SORCS2: variants seen among roughly 807,000 people sequenced by gnomAD.
The protein encoded by SORCS2 is VPS10 domain-containing receptor SorCS2.
In SORCS2, 100 loss-of-function variants were observed where a neutral mutation model predicts 141.6. The observed-to-expected ratio is 0.71, with a 90% CI of 0.60 to 0.83. The LOEUF is 0.83. Ranked by LOEUF, SORCS2 falls within the 40% of genes least tolerant of loss-of-function variation. The pLI is 0.00. For missense variants in SORCS2, 1,646 were observed against 1,560.2 expected (o/e 1.05, Z -0.93); for synonymous variants, 789 against 676.9 (o/e 1.17, Z -2.57).
At chr4:7,453,681 GCTGTGTTGGGGTCAGGCA>G (rs1406893606) in intron 2 of SORCS2, among the ~76,000 whole-genome samples, 2 of 121,510 alleles carry the variant, frequency 1.6e-5, no homozygotes, top group Admixed American at 8.4e-5. Context: ...GGGTTCAGGT[GCTGTGTTGGGGTCAGGCA>G]CTGTGTTGGG....
intron 2 of SORCS2, among the ~76,000 whole-genome samples, chr4:7,428,858 G>A (rs1018053423): frequency 6.6e-6 from 1 of 152,122 alleles, no homozygotes; most frequent in Admixed American, 6.5e-5. Context: ...TCACTGCTGT[G>A]ATGAGACTAG....
At chr4:7,593,720 C>A (rs1717070498) in intron 3 of SORCS2, among the ~76,000 whole-genome samples, 1 of 152,206 alleles carries the variant, frequency 6.6e-6, no homozygotes, top group Non-Finnish European at 1.5e-5. Context: ...CAGTTACAGG[C>A]AGGGGTGCCG....
chr4:7,398,127 G>T (rs936816449), intron 2 of SORCS2, among the ~76,000 whole-genome samples: 1 of 152,190 alleles, frequency 6.6e-6, no homozygotes, highest in Non-Finnish European at 1.5e-5. Context: ...CGGAGTTGCC[G>T]GCTTAGTTTA....
chr4:7,612,368 C>G (rs1410578179), intron 3 of SORCS2, among the ~76,000 whole-genome samples: 1 of 152,180 alleles, frequency 6.6e-6, no homozygotes, highest in East Asian at 1.9e-4. Flanking sequence ...TCCGCCACAT[C>G]CCAGGCACCC....
intron 4 of SORCS2, among the ~76,000 whole-genome samples, chr4:7,647,961 G>A (rs1204615884): frequency 2.6e-5 from 4 of 152,228 alleles, no homozygotes; most frequent in Non-Finnish European, 2.9e-5. Flanking sequence ...GCTTCACTGC[G>A]GTAGCTTGCA....
In SORCS2 at chr4:7,304,958, G is replaced by T. The variant is rs139511726; in HGVS notation, c.481-91330G>T. Reference sequence around the variant, plus strand: ...GGCATCCCGGTTCCTGCTCGTGAGGGCTTCTGGCGGGGTGACACCACCCTT... The same window carrying T: ...GGCATCCCGGTTCCTGCTCGTGAGGTCTTCTGGCGGGGTGACACCACCCTT... On this transcript the variant is annotated intron_variant, in intron 1 of 26. Transcript: ENST00000507866. Among the ~76,000 whole-genome samples the T allele has an allele frequency of 3.6e-3, 542 of 152,308 alleles. 5 individuals are homozygous for T. The highest frequency in any genetic ancestry group is 0.012 in the African/African-American group (501 of 41,574).
intron 3 of SORCS2, among the ~76,000 whole-genome samples, chr4:7,552,621 C>T (rs79190928): frequency 0.053 from 8,047 of 152,246 alleles, 274 homozygotes; most frequent in African/African-American, 0.095. Context: ...GATACCCTGG[C>T]CCCCCACAGG....
At chr4:7,222,492 T>C (rs1231375169) in intron 1 of SORCS2, among the ~76,000 whole-genome samples, 1 of 148,928 alleles carries the variant, frequency 6.7e-6, no homozygotes, top group Non-Finnish European at 1.5e-5. Context: ...GAGCGGGGCA[T>C]GGGGGTGGTA....
At chr4:7,699,638 G>A (rs1371610405) in intron 12 of SORCS2, among the ~76,000 whole-genome samples, 1 of 152,168 alleles carries the variant, frequency 6.6e-6, no homozygotes, top group Non-Finnish European at 1.5e-5. Flanking sequence ...GCCAGGGAAG[G>A]GGGCTGCAGC....
chr4:7,240,627 C>T (rs552195203), intron 1 of SORCS2, among the ~76,000 whole-genome samples: 1 of 152,296 alleles, frequency 6.6e-6, no homozygotes, highest in Admixed American at 6.5e-5. Context: ...GTTTTCTGGG[C>T]TGGGCTGTGT....
chr4:7,280,758 A>C (rs1222360126), intron 1 of SORCS2, among the ~76,000 whole-genome samples: 1 of 152,202 alleles, frequency 6.6e-6, no homozygotes, highest in African/African-American at 2.4e-5. Flanking sequence ...TAAAATACAG[A>C]GATGACTAGT....
intron 2 of SORCS2, among the ~76,000 whole-genome samples, chr4:7,455,335 G>A (rs1156294945): frequency 1.3e-5 from 1 of 78,140 alleles, no homozygotes; most frequent in African/African-American, 5.5e-5. Context: ...GTTGGGGTCA[G>A]GCTCCGTGTT....
At chr4:7,361,502 C>T (rs148397187) in intron 1 of SORCS2, among the ~76,000 whole-genome samples, 12 of 152,294 alleles carry the variant, frequency 7.9e-5, no homozygotes, top group Admixed American at 1.3e-4. Flanking sequence ...GGGCTTCTCA[C>T]GCTGGGCCGC....
intron 11 of SORCS2, among the ~76,000 whole-genome samples, chr4:7,692,449 A>T (rs912404552): frequency 1.6e-4 from 25 of 152,192 alleles, no homozygotes; most frequent in Admixed American, 5.2e-4. Flanking sequence ...AAATGAGAGG[A>T]TAAAACCTCC....
chr4:7,462,828 C>T (rs559786863), intron 2 of SORCS2, among the ~76,000 whole-genome samples: 1 of 150,478 alleles, frequency 6.6e-6, no homozygotes, highest in East Asian at 2.0e-4. Flanking sequence ...TCTGCTGTCA[C>T]GGTGCACTCG....
intron 1 of SORCS2, among the ~76,000 whole-genome samples, chr4:7,345,008 G>A (rs2108995795): frequency 6.6e-6 from 1 of 152,112 alleles, no homozygotes; most frequent in Non-Finnish European, 1.5e-5. Flanking sequence ...GGGAGCCTCG[G>A]CCTGTTGTCC....
intron 3 of SORCS2, among the ~76,000 whole-genome samples, chr4:7,585,702 A>G (rs1328640423): frequency 2.0e-5 from 3 of 152,186 alleles, no homozygotes; most frequent in Non-Finnish European, 1.5e-5. Flanking sequence ...AGCCTCTTCC[A>G]TCCTTGAGTT....
chr4:7,314,816 T>A (rs56262149), intron 1 of SORCS2, among the ~76,000 whole-genome samples: 1 of 107,562 alleles, frequency 9.3e-6, no homozygotes, highest in African/African-American at 3.3e-5. Flanking sequence ...TTTTTTTTTT[T>A]TTTTTTTTTT....
At chr4:7,284,056 C>A (rs1716054772) in intron 1 of SORCS2, among the ~76,000 whole-genome samples, 1 of 152,090 alleles carries the variant, frequency 6.6e-6, no homozygotes, top group Admixed American at 6.5e-5. Flanking sequence ...TGGAGTAAAC[C>A]ATTTTGAGCC....
Sources: gnomAD v4.1 joint callset for allele counts (sites outside exome capture counted in the v4.1 genomes callset) on GRCh38, gnomAD v4.1.1 for gene constraint, MANE v1.5 for transcripts, NCBI Gene and HGNC (gene_info 2026-07-23, HGNC 2026-07-21) for gene names.